The following NRXN3 variants were observed in gnomAD, a reference collection of about 807,000 sequenced individuals.
NRXN3 encodes the protein neurexin 3, also known as neurexin III.
In NRXN3, 32 loss-of-function variants were observed where a neutral mutation model predicts 137.6. That is an observed-to-expected ratio of 0.23 (90% CI 0.18 to 0.31). The LOEUF is 0.31. NRXN3 is among the 10% of genes least tolerant of loss of function. The pLI is 1.00. For synonymous variants in NRXN3, 798 were observed against 784.5 expected, an observed-to-expected ratio of 1.02 and a Z score of -0.29; for missense variants, 1,574 against 2,062.5, an observed-to-expected ratio of 0.76 and a Z score of 4.59.
At chr14:78,486,553 G>A (rs904954665) in intron 4 of NRXN3, among the ~76,000 whole-genome samples, 1 of 152,100 alleles carries the variant, frequency 6.6e-6, no homozygotes, top group African/African-American at 2.4e-5. Context: ...TAACCCTTGC[G>A]ATGGCCTCCC....
chr14:78,902,668 G>A (rs961789511), intron 10 of NRXN3, among the ~76,000 whole-genome samples: 4 of 151,860 alleles, frequency 2.6e-5, no homozygotes, highest in African/African-American at 9.7e-5. Flanking sequence ...TTGACTATAG[G>A]ATGAAATTTA....
At chr14:78,615,535 C>G (rs938137761) in intron 4 of NRXN3, among the ~76,000 whole-genome samples, 1 of 151,938 alleles carries the variant, frequency 6.6e-6, no homozygotes, top group Non-Finnish European at 1.5e-5. Context: ...GGCGTGAACC[C>G]GGGAGGTGGA....
intron 8 of NRXN3, among the ~76,000 whole-genome samples, chr14:78,745,964 A>G (rs574786308): frequency 1.2e-4 from 18 of 152,324 alleles, no homozygotes; most frequent in African/African-American, 4.1e-4. Context: ...CATGGAAATT[A>G]TAAGGCTTCA....
intron 15 of NRXN3, among the ~76,000 whole-genome samples, chr14:79,008,661 C>CTTTTT (rs372617673): frequency 7.6e-6 from 1 of 130,818 alleles, no homozygotes; most frequent in Non-Finnish European, 1.6e-5. Flanking sequence ...TTTCTCTTTG[C>CTTTTT]TTTTTTTTTT....
chr14:78,763,672 AC>A (rs2098699925), intron 8 of NRXN3, among the ~76,000 whole-genome samples: 3 of 152,252 alleles, frequency 2.0e-5, no homozygotes, highest in South Asian at 4.1e-4. Flanking sequence ...TCTTTTAATG[AC>A]AAGGATGCAG....
intron 10 of NRXN3, among the ~76,000 whole-genome samples, chr14:78,838,089 T>G (rs2099002033): frequency 6.6e-6 from 1 of 152,194 alleles, no homozygotes; most frequent in African/African-American, 2.4e-5. Flanking sequence ...ATAGAAATAG[T>G]ATAATCTTCT....
At chr14:79,223,293 T>A (rs2070158764) in intron 15 of NRXN3, among the ~76,000 whole-genome samples, 3 of 152,164 alleles carry the variant, frequency 2.0e-5, no homozygotes, top group African/African-American at 7.2e-5. Context: ...GCCATGGGCA[T>A]TGTTCATTAC....
At chr14:78,344,718 C>T (rs752479700) in intron 4 of NRXN3, among the ~76,000 whole-genome samples, 4 of 152,178 alleles carry the variant, frequency 2.6e-5, no homozygotes, top group Non-Finnish European at 5.9e-5. Context: ...TACATGGACA[C>T]GACATTGCTT....
chr14:78,569,005 T>C (rs540737852), intron 4 of NRXN3, among the ~76,000 whole-genome samples: 1 of 147,774 alleles, frequency 6.8e-6, no homozygotes, highest in Admixed American at 6.8e-5. Context: ...TCTCATTCTG[T>C]CACCCAGGCT....
chr14:79,676,276 A>G (rs530869259), intron 17 of NRXN3, among the ~76,000 whole-genome samples: 1 of 152,134 alleles, frequency 6.6e-6, no homozygotes, highest in South Asian at 2.1e-4. Context: ...AGACCAGGCT[A>G]TCAGTTTTTA....
intron 15 of NRXN3, among the ~76,000 whole-genome samples, chr14:79,125,490 G>T (rs746657539): frequency 6.6e-6 from 1 of 152,132 alleles, no homozygotes; most frequent in African/African-American, 2.4e-5. Flanking sequence ...AACAACTTTT[G>T]CAGGAAGCAT....
intron 16 of NRXN3, among the ~76,000 whole-genome samples, chr14:79,535,541 C>T (rs188923639): frequency 1.7e-3 from 262 of 152,050 alleles, no homozygotes; most frequent in Middle Eastern, 6.8e-3. Context: ...GGTATAGGAA[C>T]ATTTATTTTG....
intron 17 of NRXN3, among the ~76,000 whole-genome samples, chr14:79,675,997 T>A (rs1320580707): frequency 6.6e-6 from 1 of 152,116 alleles, no homozygotes; most frequent in Non-Finnish European, 1.5e-5. Context: ...TGCCAGTTGA[T>A]GCCTTGCATT....
At chr14:78,435,397 A>T (rs1325187053) in intron 4 of NRXN3, among the ~76,000 whole-genome samples, 1 of 152,116 alleles carries the variant, frequency 6.6e-6, no homozygotes, top group African/African-American at 2.4e-5. Context: ...AAATGGGGAA[A>T]CTGAGTCTCA....
At chr14:79,301,298 C>A (rs2153223475) in intron 15 of NRXN3, among the ~76,000 whole-genome samples, 1 of 152,008 alleles carries the variant, frequency 6.6e-6, no homozygotes, top group East Asian at 1.9e-4. Context: ...TTTTTTGTTG[C>A]TGAAGATGAA....
rs572680319 is a variant in NRXN3, at chr14:79,675,663, T to G, written c.3616+11714T>G. Reference sequence around the variant, plus strand: ...ACATAGACCTACTGGTGAGGTTAATTCAGGATAAAGAAATAAAGAGATACA... The same window carrying G: ...ACATAGACCTACTGGTGAGGTTAATGCAGGATAAAGAAATAAAGAGATACA... On this transcript the variant is annotated intron_variant, in intron 17 of 20. Coordinates refer to ENST00000335750, the MANE Select transcript of NRXN3 (RefSeq NM_001330195.2). Among the ~76,000 whole-genome samples the G allele has an allele frequency of 2.2e-4, 33 of 152,148 alleles. 1 individual carries two copies. In the South Asian group the frequency reaches 6.8e-3, roughly 32 times the overall value.
At chr14:78,486,608 G>A (rs909961316) in intron 4 of NRXN3, among the ~76,000 whole-genome samples, 4 of 152,146 alleles carry the variant, frequency 2.6e-5, no homozygotes, top group East Asian at 1.9e-4. Context: ...GAGAGCCTGG[G>A]CTTGTCTGGT....
intron 1 of NRXN3, among the ~76,000 whole-genome samples, chr14:78,214,026 G>A (rs2063007334): frequency 6.6e-6 from 1 of 152,150 alleles, no homozygotes; most frequent in Non-Finnish European, 1.5e-5. Context: ...TGTTCCTGTG[G>A]TCTCTTCTAC....
Position 79,299,406 on chromosome 14 carries a change from G to A in NRXN3, c.3263-167815G>A, listed in dbSNP as rs563866118. ...AGAGTAAACATTTCCAGCTTTGCAA[G>A]CAATATAGTCTCTGCCTCAACAACT... On this transcript the variant is annotated intron_variant, in intron 15 of 20. Coordinates refer to ENST00000335750, the MANE Select transcript of NRXN3 (RefSeq NM_001330195.2). Among the ~76,000 whole-genome samples the A allele has an allele frequency of 5.3e-5, 8 of 152,138 alleles. No homozygotes were observed. The East Asian group carries it at 1.6e-3, about 30-fold the overall frequency.
Sources: allele counts gnomAD v4.1 joint callset (sites outside exome capture counted in the v4.1 genomes callset), GRCh38; gene constraint gnomAD v4.1.1; transcripts MANE v1.5; gene names NCBI Gene and HGNC (gene_info 2026-07-23, HGNC 2026-07-21).